Variants in PLSCR2 observed in about 807,000 individuals in gnomAD.
PLSCR2 encodes the protein phospholipid scramblase 2.
Under a neutral mutation model 25.3 loss-of-function variants are expected in PLSCR2, and 18 were observed. The ratio of observed to expected loss-of-function variants is 0.71; its 90% CI spans 0.49 to 1.06. The LOEUF is 1.06. Among genes scored for constraint, PLSCR2 ranks in the 50% least tolerant of loss-of-function variants. The pLI, the probability that PLSCR2 is intolerant of heterozygous loss-of-function variation, is 0.00. For synonymous variants in PLSCR2, 88 were observed against 87.3 expected (o/e 1.01, Z -0.04); for missense variants, 243 against 269.5 (o/e 0.90, Z 0.69).
rs377722354 is a variant in PLSCR2, at chr3:146,469,340, G to A, written c.-292-9056C>T. On this transcript the variant is annotated intron_variant, in intron 1 of 8. Coordinates refer to the PLSCR2 transcript ENST00000336685. Reference sequence around the variant, plus strand: ...GCTGGGCCGCCTGGGGCCCCTTGCCGAGTTTCCGTTCCACTTCAGGTGTCG... The same window carrying A: ...GCTGGGCCGCCTGGGGCCCCTTGCCAAGTTTCCGTTCCACTTCAGGTGTCG... 9.2e-6 allele frequency: 9 copies of A among 980,100 alleles called. No homozygotes were observed. The African/African-American group carries it at 1.4e-4, about 15-fold the overall frequency. 60.7% of individuals were successfully genotyped at this position (980,100 alleles called of 1,614,324 possible).
chr3:146,392,951 A>AACCC (rs1303932058), intron 3 of PLSCR2, among the ~76,000 whole-genome samples: 1 of 138,246 alleles, frequency 7.2e-6, no homozygotes, highest in African/African-American at 2.7e-5. Context: ...GAGATGTAAT[A>AACCC]TTTTATTACA....
At chr3:146,428,849 C>A (rs529725148), downstream of PLSCR2, among the ~76,000 whole-genome samples, 1 of 152,252 alleles carries the variant, frequency 6.6e-6, no homozygotes, top group Non-Finnish European at 1.5e-5. Flanking sequence ...GTTTTATATG[C>A]CATTAAAAGT....
chr3:146,477,001 G>A (rs1349456528), intron 1 of PLSCR2, among the ~76,000 whole-genome samples: 1 of 152,214 alleles, frequency 6.6e-6, no homozygotes, highest in Non-Finnish European at 1.5e-5. Flanking sequence ...TGGACCAAGG[G>A]ACAGCCAGGG....
At chr3:146,452,647 G>T (rs989481336) in intron 5 of PLSCR2, among the ~76,000 whole-genome samples, 1 of 152,086 alleles carries the variant, frequency 6.6e-6, no homozygotes, top group African/African-American at 2.4e-5. Context: ...CAGACATAGA[G>T]AATTGAAGAG....
At chr3:146,445,854 T>C (rs189877109) in intron 6 of PLSCR2, among the ~76,000 whole-genome samples, 14 of 152,126 alleles carry the variant, frequency 9.2e-5, no homozygotes, top group Non-Finnish European at 1.5e-4. Flanking sequence ...TATTTTTGTC[T>C]CCTCTGTCTA....
downstream of PLSCR2, among the ~76,000 whole-genome samples, chr3:146,431,635 T>G (rs557953212): frequency 6.6e-6 from 1 of 152,276 alleles, no homozygotes; most frequent in East Asian, 1.9e-4. Context: ...GAATTACAGG[T>G]AAGAATACCA....
At chr3:146,392,619 TC>T (rs2038116389) in intron 3 of PLSCR2, among the ~76,000 whole-genome samples, 1 of 135,960 alleles carries the variant, frequency 7.4e-6, no homozygotes, top group Admixed American at 7.9e-5. Context: ...TTTATTATTT[TC>T]CTTATTTCCT....
intron 2 of PLSCR2, among the ~76,000 whole-genome samples, chr3:146,404,004 AT>A (rs2038567263): frequency 6.6e-6 from 1 of 151,726 alleles, no homozygotes; most frequent in African/African-American, 2.4e-5. Context: ...TTTCATAACC[AT>A]TTTTCCCACC....
intron 1 of PLSCR2, among the ~76,000 whole-genome samples, chr3:146,468,474 G>T (rs779672434): frequency 6.6e-6 from 1 of 152,220 alleles, no homozygotes; most frequent in South Asian, 2.1e-4. Context: ...AACAGTGAAT[G>T]AATGAAACCA....
chr3:146,485,354 G>T (rs766857453), intron 1 of PLSCR2, among the ~76,000 whole-genome samples: 1 of 152,076 alleles, frequency 6.6e-6, no homozygotes, highest in Non-Finnish European at 1.5e-5. Flanking sequence ...AATAGTGGGA[G>T]ACTTTAACAA....
At chr3:146,492,147 C>A (rs2043574631) in intron 1 of PLSCR2, among the ~76,000 whole-genome samples, 1 of 152,084 alleles carries the variant, frequency 6.6e-6, no homozygotes, top group Non-Finnish European at 1.5e-5. Flanking sequence ...ACCCTACTGA[C>A]CTGGAAACAG....
rs146926856 is a variant in PLSCR2 at position 146,443,224 on chromosome 3, GTTTTC to G, written c.646-1408_646-1404del. On this transcript the variant is annotated intron_variant, in intron 6 of 6. Coordinates refer to ENST00000610787, the Ensembl canonical transcript of PLSCR2. The stretch of plus-strand genomic sequence containing the variant: ...TGTTCATCAGGCATATTAACCTGTA[GTTTTC>G]TTTTTTAAATATGTCTTTGTTTGGT... 5.6e-3 allele frequency among the ~76,000 whole-genome samples: 858 copies of G among 152,068 alleles called. 14 individuals are homozygous for G. The highest frequency in any genetic ancestry group is 0.02 in the African/African-American group (823 of 41,526).
intron 2 of PLSCR2, 47 bp downstream of exon 2, chr3:146,459,801 A>G (rs763420379): frequency 7.5e-7 from 1 of 1,326,424 alleles, no homozygotes; most frequent in Non-Finnish European, 1.1e-6. Flanking sequence ...ATAAACCAGA[A>G]AGAGAGTTTT....
chr3:146,425,386 G>C (rs1434522340), intron 2 of PLSCR2, among the ~76,000 whole-genome samples: 2 of 152,078 alleles, frequency 1.3e-5, no homozygotes, highest in African/African-American at 4.8e-5. Context: ...AAGGTACCAG[G>C]ACTTAAACCA....
intron 1 of PLSCR2, 85 bp from the exon 1 acceptor site, chr3:146,469,646 C>G (rs1206782056): frequency 2.5e-6 from 2 of 788,946 alleles, no homozygotes; most frequent in East Asian, 2.5e-4. Flanking sequence ...AGAGTCTACA[C>G]CTGCAGCAGC....
chr3:146,484,430 A>G (rs1270938049), intron 1 of PLSCR2, among the ~76,000 whole-genome samples: 1 of 151,988 alleles, frequency 6.6e-6, no homozygotes, highest in Non-Finnish European at 1.5e-5. Flanking sequence ...AATTTGGCAA[A>G]TGCAGAGAAC....
chr3:146,416,196 C>T (rs181603518), intron 2 of PLSCR2, among the ~76,000 whole-genome samples: 2,061 of 152,074 alleles, frequency 0.014, 35 homozygotes, highest in African/African-American at 0.047. Flanking sequence ...ATGATCCGCC[C>T]GCCTCAGCCT....
chr3:146,484,175 G>A (rs1356616073), intron 1 of PLSCR2, among the ~76,000 whole-genome samples: 1 of 150,898 alleles, frequency 6.6e-6, no homozygotes, highest in Non-Finnish European at 1.5e-5. Context: ...CGATGAAGCA[G>A]AAAATAAAAT....
chr3:146,414,393 C>G (rs2038948931), intron 2 of PLSCR2, among the ~76,000 whole-genome samples: 1 of 152,114 alleles, frequency 6.6e-6, no homozygotes, highest in Admixed American at 6.5e-5. Context: ...TAGCATATAC[C>G]TTGTTTATTG....
Sources: gnomAD v4.1 joint callset for allele counts (sites outside exome capture counted in the v4.1 genomes callset) on GRCh38, gnomAD v4.1.1 for gene constraint, MANE v1.5 for transcripts, NCBI Gene and HGNC (gene_info 2026-07-23, HGNC 2026-07-21) for gene names.